Variants in KIFBP observed in about 807,000 individuals in gnomAD.
KIFBP encodes kinesin family binding protein.
Under a neutral mutation model 58.9 loss-of-function variants are expected in KIFBP, and 46 were observed. The ratio of observed to expected loss-of-function variants is 0.78; its 90% CI spans 0.62 to 1.00. The LOEUF is 1.00. Among genes scored for constraint, KIFBP ranks in the 50% least tolerant of loss-of-function variants. The pLI, the probability that KIFBP is intolerant of heterozygous loss-of-function variation, is 0.00. For missense variants in KIFBP, 651 were observed against 752.9 expected, an observed-to-expected ratio of 0.86 and a Z score of 1.58; for synonymous variants, 241 against 283.4, an observed-to-expected ratio of 0.85 and a Z score of 1.50.
At chr10:69,015,406 AT>A (rs1838984063) in intron 6 of KIFBP, 134 bp from the exon 7 acceptor site, 1 of 767,338 alleles carries the variant, frequency 1.3e-6, no homozygotes, top group Admixed American at 2.9e-5. Flanking sequence ...GGTGTTTAAG[AT>A]TATGATACCC....
At chr10:69,005,681 A>C (rs766595101) in intron 3 of KIFBP, 51 bp from the exon 4 acceptor site, 36 of 1,456,672 alleles carry the variant, frequency 2.5e-5, no homozygotes, top group Middle Eastern at 2.2e-4. Flanking sequence ...TCAGGAAAAA[A>C]AAAAAACAAG....
intron 1 of KIFBP, chr10:68,989,483 T>TG (rs1207813889): frequency 1.5e-5 from 9 of 598,986 alleles, no homozygotes; most frequent in Non-Finnish European, 2.4e-5. Context: ...CCAGACTCCG[T>TG]GTCCACCCTC....
At position 69,005,620 on chromosome 10, in the gene KIFBP, C is replaced by T. The variant is rs1589296412; in HGVS notation, c.606-112C>T. 9.9e-6 allele frequency: 8 copies of T among 806,500 alleles called. No individual in the cohort carries two copies. In the East Asian group the frequency reaches 2.2e-4, roughly 22 times the overall value. The allele number at this position is 806,500 out of a possible 1,614,324, so 50.0% of individuals were successfully genotyped here. On this transcript the variant is annotated intron_variant, in intron 3 of 6. Coordinates refer to ENST00000361983, the MANE Select transcript of KIFBP (RefSeq NM_015634.4). Reference sequence around the variant, plus strand: ...GAACCCAGGAGGCGGAGGCAGTGAGCCAAGATCGTGCCACTGTACTCCAGC... The same window carrying T: ...GAACCCAGGAGGCGGAGGCAGTGAGTCAAGATCGTGCCACTGTACTCCAGC...
intron 6 of KIFBP, among the ~76,000 whole-genome samples, chr10:69,015,107 A>G (rs1316807236): frequency 6.6e-6 from 1 of 152,116 alleles, no homozygotes; most frequent in African/African-American, 2.4e-5. Context: ...TATTTTTAGT[A>G]GAGACAGAGT....
At chr10:69,008,392 ATATATATATAT>A (rs1237243839) in intron 4 of KIFBP, among the ~76,000 whole-genome samples, 8 of 36,686 alleles carry the variant, frequency 2.2e-4, no homozygotes, top group African/African-American at 8.7e-4. Flanking sequence ...AAAAAAAAAA[ATATATATATAT>A]ATATATATAT....
rs1446091178 is a variant in KIFBP, at chr10:69,005,900, G to A, written c.774G>A (p.Gln258=). ...EWAINAATLS[Q]FYINKLCFME... ...CTATCAATGCTGCTACCTTGTCACA[G>A]TTTTACATCAATAAGGTAAGCTTCT... Residue 258 remains glutamine (Q), a synonymous_variant, in exon 4 of 7, where the codon CAG becomes CAA. Transcript: ENST00000361983. 1.2e-6 allele frequency: 2 copies of A among 1,613,868 alleles called. No individual in the cohort carries two copies. The highest frequency in any genetic ancestry group is 3.3e-5 in the Admixed American group (2 of 59,986).
In KIFBP at chr10:69,015,755, A is replaced by G. The variant is rs756457508; in HGVS notation, c.1205A>G (p.Tyr402Cys). 21 of 1,614,096 alleles carry G rather than the reference A, an allele frequency of 1.3e-5. No individual in the cohort carries two copies. The African/African-American group carries it at 1.7e-4, about 13-fold the overall frequency. Residue 402 changes from tyrosine to cysteine, a missense_variant, in exon 7 of 7, where the codon TAT becomes TGT. Transcript: ENST00000361983. ...GAACTTTTCTTATTGGGTCAGCACT[A>G]TGTCTTTGAGGCAAAAGAGTTCTTT... ...ARELFLLGQH[Y>C]VFEAKEFFQI...
At chr10:68,996,920 T>C (rs1014008832) in intron 1 of KIFBP, among the ~76,000 whole-genome samples, 2 of 151,676 alleles carry the variant, frequency 1.3e-5, no homozygotes, top group Non-Finnish European at 2.9e-5. Flanking sequence ...TCCCAAGACT[T>C]TGGGAGGCTG....
intron 1 of KIFBP, chr10:68,989,504 C>T (rs1466193339): frequency 1.7e-5 from 10 of 586,176 alleles, no homozygotes; most frequent in Admixed American, 6.1e-5. Flanking sequence ...GTCGCCCACA[C>T]CAATATCGCT....
intron 2 of KIFBP, among the ~76,000 whole-genome samples, chr10:69,004,245 T>TA (rs1843505913): frequency 7.2e-6 from 1 of 139,362 alleles, no homozygotes; most frequent in Non-Finnish European, 1.6e-5. Context: ...AAAAAAAACT[T>TA]AAAGAGGCTG....
At position 69,001,607 on chromosome 10, in the gene KIFBP, G is replaced by T. The variant is rs1216581593; in HGVS notation, c.525+1085G>T. On this transcript the variant is annotated intron_variant, in intron 2 of 6. Transcript: ENST00000361983. ...CCATCTCTACTAAAAATACAAAACA[G>T]CAGGCATGGTGGCGCACGCCTGTAG... Among the ~76,000 whole-genome samples the T allele has an allele frequency of 5.9e-5, 9 of 151,816 alleles. 1 individual carries two copies. Among genetic ancestry groups the T allele is most frequent in the Admixed American group, 2.6e-4 (4 of 15,240 alleles).
rs190713432 is a variant in KIFBP, at chr10:69,011,084, G to A, written c.990+69G>A. On this transcript the variant is annotated intron_variant, in intron 6 of 6. Coordinates refer to ENST00000361983, the MANE Select transcript of KIFBP (RefSeq NM_015634.4). The stretch of plus-strand genomic sequence containing the variant: ...ATTGTAAGTAAAAACTCATAGTGGG[G>A]ATTGTGCTCATTGGGGTCACATTGT... The A allele has an allele frequency of 5.2e-3, 5,317 of 1,031,964 alleles. 209 individuals carry two copies. Among genetic ancestry groups the A allele is most frequent in the Non-Finnish European group, 4.6e-4 (300 of 654,280 alleles). The allele number at this position is 1,031,964 out of a possible 1,614,324, so 63.9% of individuals were successfully genotyped here.
intron 1 of KIFBP, among the ~76,000 whole-genome samples, chr10:68,998,342 G>T (rs2263813): frequency 0.72 from 109,800 of 151,934 alleles, 39,974 homozygotes; most frequent in Middle Eastern, 0.77. Context: ...TATGATGATT[G>T]TAAAGTAATG....
At chr10:69,008,582 A>G (rs568544401) in intron 4 of KIFBP, among the ~76,000 whole-genome samples, 3 of 151,586 alleles carry the variant, frequency 2.0e-5, no homozygotes, top group South Asian at 2.1e-4. Context: ...TTCAGTTGGC[A>G]GTTGTCTTTC....
At chr10:69,009,977 G>C (rs545889499) in intron 5 of KIFBP, among the ~76,000 whole-genome samples, 1 of 152,046 alleles carries the variant, frequency 6.6e-6, no homozygotes, top group Non-Finnish European at 1.5e-5. Context: ...GTAAATAGTT[G>C]CTTTCTCCCC....
At chr10:68,993,628 T>C (rs899552006) in intron 1 of KIFBP, among the ~76,000 whole-genome samples, 1 of 152,220 alleles carries the variant, frequency 6.6e-6, no homozygotes, top group Middle Eastern at 3.4e-3. Flanking sequence ...AATTTAATTT[T>C]ATCTTTATAG....
chr10:68,997,122 C>G (rs1162781730), intron 1 of KIFBP, among the ~76,000 whole-genome samples: 1 of 152,128 alleles, frequency 6.6e-6, no homozygotes, highest in East Asian at 1.9e-4. Context: ...GTATCCAGGA[C>G]TATAGGTCAT....
chr10:68,990,543 A>G (rs1219645777), intron 1 of KIFBP, among the ~76,000 whole-genome samples: 1 of 152,208 alleles, frequency 6.6e-6, no homozygotes, highest in Non-Finnish European at 1.5e-5. Context: ...CCTTTTCTCA[A>G]CAACAACAAA....
In KIFBP at chr10:69,015,939, A is replaced by C. The variant is rs114205227; in HGVS notation, c.1389A>C (p.Pro463=). The change falls in exon 7 of 7, where the codon CCA becomes CCC. Residue 463 remains proline, a synonymous_variant. Coordinates refer to ENST00000361983, the MANE Select transcript of KIFBP (RefSeq NM_015634.4). The part of the protein sequence containing the change: ...MLEPLTVDLN[P]QYYLLVNRQI... ...AGCCCCTAACTGTAGACCTGAATCCACAGTATTATCTGTTGGTCAACAGAC... is the reference window on the plus strand; with the variant it reads ...AGCCCCTAACTGTAGACCTGAATCCCCAGTATTATCTGTTGGTCAACAGAC... The C allele has an allele frequency of 7.8e-4, 1,265 of 1,614,208 alleles. 2 individuals are homozygous for C. In the African/African-American group the frequency reaches 0.014, roughly 18 times the overall value.
Sources: allele counts gnomAD v4.1 joint callset (sites outside exome capture counted in the v4.1 genomes callset), GRCh38; gene constraint gnomAD v4.1.1; transcripts MANE v1.5; gene names NCBI Gene and HGNC (gene_info 2026-07-23, HGNC 2026-07-21).